The following CDKAL1 variants were observed in gnomAD, a reference collection of about 807,000 sequenced individuals.
CDKAL1 encodes CDKAL1 threonylcarbamoyladenosine tRNA methylthiotransferase, also known as threonylcarbamoyladenosine tRNA methylthiotransferase.
In CDKAL1, 32 loss-of-function variants were observed where a neutral mutation model predicts 68.2. The observed-to-expected ratio is 0.47, with a 90% CI of 0.35 to 0.63. CDKAL1 has a LOEUF of 0.63. Among genes scored for constraint, CDKAL1 ranks in the 30% least tolerant of loss-of-function variants. The probability of loss-of-function intolerance (pLI) is 0.00; values close to 1 mark genes in which losing one functional copy is unlikely to be tolerated. For missense variants in CDKAL1, 606 were observed against 696.7 expected (o/e 0.87, Z 1.47); for synonymous variants, 234 against 244.3 (o/e 0.96, Z 0.39).
At position 21,155,416 on chromosome 6, in the gene CDKAL1, A is replaced by G. The variant is rs535478634; in HGVS notation, c.1300-42605A>G. Among the ~76,000 whole-genome samples the G allele has an allele frequency of 1.8e-4, 27 of 152,332 alleles. No individual in the cohort carries two copies. In the South Asian group the frequency reaches 2.3e-3, roughly 13 times the overall value. Reference sequence around the variant, plus strand: ...CCAGCTCAAGCTGGACATGAAAATCAGAAACATGGAAGGAGAAGGGGCATA... The same window carrying G: ...CCAGCTCAAGCTGGACATGAAAATCGGAAACATGGAAGGAGAAGGGGCATA... On this transcript the variant is annotated intron_variant, in intron 13 of 15. Transcript: ENST00000274695.
chr6:20,783,022 C>T (rs570937326), intron 8 of CDKAL1, among the ~76,000 whole-genome samples: 38 of 152,132 alleles, frequency 2.5e-4, no homozygotes, highest in Middle Eastern at 3.4e-3. Flanking sequence ...CCTCTGCCTC[C>T]GGGTTCAAGT....
chr6:20,647,392 G>T (rs537221908), intron 4 of CDKAL1, among the ~76,000 whole-genome samples: 1 of 152,238 alleles, frequency 6.6e-6, no homozygotes, highest in African/African-American at 2.4e-5. Context: ...CCCACACATT[G>T]CCCCTCTGTC....
At chr6:21,059,642 A>G (rs762062149) in intron 11 of CDKAL1, among the ~76,000 whole-genome samples, 17 of 150,718 alleles carry the variant, frequency 1.1e-4, no homozygotes, top group Non-Finnish European at 2.5e-4. Context: ...GTCATTCCCA[A>G]TTAGAGAACC....
intron 5 of CDKAL1, among the ~76,000 whole-genome samples, chr6:20,716,412 G>C (rs1772095460): frequency 6.6e-6 from 1 of 152,138 alleles, no homozygotes; most frequent in East Asian, 1.9e-4. Flanking sequence ...AAATTATCCT[G>C]CTGTTGGACA....
intron 9 of CDKAL1, among the ~76,000 whole-genome samples, chr6:20,905,184 G>A (rs1427746444): frequency 6.6e-6 from 1 of 152,090 alleles, no homozygotes; most frequent in East Asian, 1.9e-4. Flanking sequence ...TGAACTAAAG[G>A]AAGACATGAG....
chr6:20,624,031 G>C (rs1474231583), intron 4 of CDKAL1, among the ~76,000 whole-genome samples: 1 of 152,064 alleles, frequency 6.6e-6, no homozygotes, highest in Non-Finnish European at 1.5e-5. Context: ...TATTATTTAT[G>C]TGTTTTCTTT....
intron 5 of CDKAL1, among the ~76,000 whole-genome samples, chr6:20,664,938 T>C (rs920552062): frequency 6.6e-6 from 1 of 152,100 alleles, no homozygotes; most frequent in Admixed American, 6.6e-5. Context: ...GTATGTATTT[T>C]CGATCCCCTC....
intron 4 of CDKAL1, among the ~76,000 whole-genome samples, chr6:20,644,787 A>G (rs910255436): frequency 6.6e-6 from 1 of 152,262 alleles, no homozygotes; most frequent in Non-Finnish European, 1.5e-5. Flanking sequence ...GCATTTTGAC[A>G]TATTCACAGA....
At chr6:20,586,845 A>G (rs935774427) in intron 4 of CDKAL1, among the ~76,000 whole-genome samples, 1 of 152,108 alleles carries the variant, frequency 6.6e-6, no homozygotes, top group African/African-American at 2.4e-5. Flanking sequence ...GATGAAGTGA[A>G]CACCTTTTCT....
intron 13 of CDKAL1, among the ~76,000 whole-genome samples, chr6:21,170,045 A>G (rs969584264): frequency 5.3e-5 from 8 of 151,968 alleles, no homozygotes; most frequent in Non-Finnish European, 7.4e-5. Flanking sequence ...TCAGTAGACA[A>G]ATTCATACCT....
intron 5 of CDKAL1, among the ~76,000 whole-genome samples, chr6:20,703,540 A>G (rs1266200279): frequency 6.6e-6 from 1 of 152,140 alleles, no homozygotes; most frequent in Non-Finnish European, 1.5e-5. Flanking sequence ...AAATATATAT[A>G]TAGCTATTTG....
At chr6:20,818,938 A>C (rs1298000191) in intron 8 of CDKAL1, among the ~76,000 whole-genome samples, 2 of 151,962 alleles carry the variant, frequency 1.3e-5, no homozygotes, top group Non-Finnish European at 2.9e-5. Flanking sequence ...GTGTGTTATT[A>C]ACTGTTATAG....
intron 5 of CDKAL1, among the ~76,000 whole-genome samples, chr6:20,649,743 A>G (rs1397684600): frequency 6.6e-6 from 1 of 151,934 alleles, no homozygotes; most frequent in Non-Finnish European, 1.5e-5. Context: ...AACAGGCCCA[A>G]CTGTATGTTG....
intron 6 of CDKAL1, among the ~76,000 whole-genome samples, chr6:20,739,999 T>C (rs1338675320): frequency 1.3e-5 from 2 of 152,164 alleles, no homozygotes; most frequent in African/African-American, 4.8e-5. Context: ...CCACTTCCCT[T>C]ATACCTACCA....
At chr6:21,040,301 G>A (rs1270965300) in intron 11 of CDKAL1, among the ~76,000 whole-genome samples, 1 of 152,176 alleles carries the variant, frequency 6.6e-6, no homozygotes, top group Non-Finnish European at 1.5e-5. Flanking sequence ...GTTTAAGGAT[G>A]TTGAGCTTTT....
intron 15 of CDKAL1, among the ~76,000 whole-genome samples, chr6:21,216,199 G>C (rs939151764): frequency 6.6e-6 from 1 of 152,164 alleles, no homozygotes; most frequent in African/African-American, 2.4e-5. Context: ...AATTTGTATT[G>C]TTTTAAGCCA....
intron 12 of CDKAL1, among the ~76,000 whole-genome samples, chr6:21,093,548 G>T (rs543193051): frequency 6.6e-6 from 1 of 152,210 alleles, no homozygotes; most frequent in East Asian, 1.9e-4. Flanking sequence ...GTGCCAGAAA[G>T]GTCCAGAGGA....
At chr6:20,932,639 T>C (rs1236354977) in intron 9 of CDKAL1, among the ~76,000 whole-genome samples, 1 of 152,130 alleles carries the variant, frequency 6.6e-6, no homozygotes, top group African/African-American at 2.4e-5. Flanking sequence ...TCTACAATGG[T>C]TCTAAACTAG....
intron 5 of CDKAL1, among the ~76,000 whole-genome samples, chr6:20,660,581 G>T (rs926518693): frequency 1.3e-5 from 2 of 152,192 alleles, no homozygotes; most frequent in African/African-American, 4.8e-5. Context: ...GCAGGATCTT[G>T]TGCTCCTCAC....
Sources: gnomAD v4.1 joint callset for allele counts (sites outside exome capture counted in the v4.1 genomes callset) on GRCh38, gnomAD v4.1.1 for gene constraint, MANE v1.5 for transcripts, NCBI Gene and HGNC (gene_info 2026-07-23, HGNC 2026-07-21) for gene names.